Variants in CTNNA3 observed in about 807,000 individuals in gnomAD.
The protein encoded by CTNNA3 is catenin alpha-3.
CTNNA3 carries 76 observed loss-of-function variants against 95.7 expected under a neutral mutation model. The observed-to-expected ratio is 0.79, with a 90% CI of 0.66 to 0.96. CTNNA3 has a LOEUF of 0.96. Among genes scored for constraint, CTNNA3 ranks in the 40% least tolerant of loss-of-function variants. The pLI is 0.00. For missense variants in CTNNA3, 1,191 were observed against 1,089.8 expected (o/e 1.09, Z -1.31); for synonymous variants, 431 against 374.4 (o/e 1.15, Z -1.74).
rs184724843 is a variant in CTNNA3 at position 67,576,180 on chromosome 10, G to A, written c.292+30677C>T. Among the ~76,000 whole-genome samples the A allele has an allele frequency of 3.7e-3, 565 of 152,244 alleles. 1 individual carries two copies. The highest frequency in any genetic ancestry group is 0.017 in the Middle Eastern group (5 of 292). On this transcript the variant is annotated intron_variant, in intron 3 of 17. Transcript: ENST00000433211. Reference sequence around the variant, plus strand: ...TATTATACATAGACTTTAGCAGGCTGGGCTTAGTTATTTAAAAGCATGAAG... The same window carrying A: ...TATTATACATAGACTTTAGCAGGCTAGGCTTAGTTATTTAAAAGCATGAAG...
At chr10:66,638,471 G>A (rs1389878500) in intron 9 of CTNNA3, among the ~76,000 whole-genome samples, 2 of 152,070 alleles carry the variant, frequency 1.3e-5, no homozygotes, top group Non-Finnish European at 2.9e-5. Flanking sequence ...GTGGACTTCT[G>A]GGCGGGGGCA....
chr10:67,262,825 A>G (rs1332889165), intron 5 of CTNNA3, among the ~76,000 whole-genome samples: 1 of 152,232 alleles, frequency 6.6e-6, no homozygotes. Context: ...AGAATGCAAA[A>G]TAACACAAAG....
rs777951876 is a variant in CTNNA3 at position 66,766,441 on chromosome 10, T to G, written c.1129-25A>C. On this transcript the variant is annotated intron_variant, in intron 8 of 17. Coordinates refer to ENST00000433211, the MANE Select transcript of CTNNA3 (RefSeq NM_013266.4). ...GCTGAGAAGAAATGAAAAATTCAGG[T>G]TTTTTTTTTCCAGGAAATAGTTCAC... The G allele has an allele frequency of 5.9e-5, 87 of 1,470,958 alleles. 1 individual carries two copies. Among genetic ancestry groups the G allele is most frequent in the Middle Eastern group, 3.6e-4 (2 of 5,606 alleles). 91.1% of individuals were successfully genotyped at this position (1,470,958 alleles called of 1,614,324 possible).
intron 13 of CTNNA3, among the ~76,000 whole-genome samples, chr10:66,124,241 T>C (rs1474006866): frequency 6.6e-6 from 1 of 152,156 alleles, no homozygotes; most frequent in Non-Finnish European, 1.5e-5. Flanking sequence ...AAGTTCAAAG[T>C]TCCACAAATC....
rs1209853143 is a variant in CTNNA3 at position 66,729,667 on chromosome 10, A to G, written c.1281+36597T>C. 3.9e-5 allele frequency among the ~76,000 whole-genome samples: 6 copies of G among 152,222 alleles called. No individual in the cohort carries two copies. In the East Asian group the frequency reaches 1.2e-3, roughly 29 times the overall value. ...AAAGGGTGGAAGGGGGCGAGGGATAAAAGACTACAAATTGGATACAGTGTA... is the reference window on the plus strand; with the variant it reads ...AAAGGGTGGAAGGGGGCGAGGGATAGAAGACTACAAATTGGATACAGTGTA... On this transcript the variant is annotated intron_variant, in intron 9 of 17. Transcript: ENST00000433211.
chr10:66,931,494 G>A (rs770307074), intron 7 of CTNNA3, among the ~76,000 whole-genome samples: 12 of 152,052 alleles, frequency 7.9e-5, no homozygotes, highest in Non-Finnish European at 1.6e-4. Flanking sequence ...TTGATTTGGT[G>A]AGTGAACTAC....
chr10:67,073,360 C>T (rs1295353385), intron 7 of CTNNA3, among the ~76,000 whole-genome samples: 1 of 152,102 alleles, frequency 6.6e-6, no homozygotes, highest in African/African-American at 2.4e-5. Flanking sequence ...TTACCTTCAA[C>T]CATATTGCTT....
chr10:67,636,083 T>A (rs552130959), intron 2 of CTNNA3, among the ~76,000 whole-genome samples: 2 of 151,942 alleles, frequency 1.3e-5, no homozygotes, highest in Non-Finnish European at 2.9e-5. Flanking sequence ...ACAAAAATAA[T>A]AAAAGATCTA....
At chr10:66,957,429 C>CAT (rs765398428) in intron 7 of CTNNA3, among the ~76,000 whole-genome samples, 1,638 of 27,210 alleles carry the variant, frequency 0.06, 62 homozygotes, top group African/African-American at 0.24. Flanking sequence ...TATATATATG[C>CAT]ATATATATAT....
intron 3 of CTNNA3, among the ~76,000 whole-genome samples, chr10:67,588,533 G>T (rs1044672921): frequency 1.2e-4 from 18 of 151,938 alleles, no homozygotes; most frequent in African/African-American, 4.1e-4. Flanking sequence ...GAATTTATGG[G>T]GGGGGGACTG....
intron 6 of CTNNA3, among the ~76,000 whole-genome samples, chr10:67,197,104 T>A (rs940773649): frequency 1.3e-5 from 2 of 152,110 alleles, no homozygotes; most frequent in Non-Finnish European, 2.9e-5. Flanking sequence ...AATCTTAATT[T>A]CTCAGTAACA....
At chr10:67,137,169 A>T (rs1027889688) in intron 7 of CTNNA3, among the ~76,000 whole-genome samples, 3 of 152,198 alleles carry the variant, frequency 2.0e-5, no homozygotes, top group African/African-American at 4.8e-5. Context: ...CATGAATGGC[A>T]TTTGGCAGAG....
chr10:67,061,781 A>G (rs1855769187), intron 7 of CTNNA3, among the ~76,000 whole-genome samples: 3 of 152,190 alleles, frequency 2.0e-5, no homozygotes, highest in Non-Finnish European at 4.4e-5. Context: ...AATCCTTAAT[A>G]AGAAAGGACA....
chr10:66,393,583 A>C (rs1030498998), intron 11 of CTNNA3, among the ~76,000 whole-genome samples: 2 of 152,076 alleles, frequency 1.3e-5, no homozygotes, highest in African/African-American at 4.8e-5. Context: ...TTTTCTGAGA[A>C]TATAACTAAG....
intron 5 of CTNNA3, among the ~76,000 whole-genome samples, chr10:67,494,770 G>A (rs886305145): frequency 1.3e-5 from 2 of 152,186 alleles, no homozygotes; most frequent in Non-Finnish European, 2.9e-5. Flanking sequence ...CTTGAACTGA[G>A]AATTACTTCT....
chr10:66,652,352 C>A (rs541515395), intron 9 of CTNNA3, among the ~76,000 whole-genome samples: 13 of 152,046 alleles, frequency 8.6e-5, no homozygotes, highest in African/African-American at 3.1e-4. Context: ...GAGTATAAGA[C>A]ACTATTATGA....
At chr10:66,858,345 A>C (rs1843764676) in intron 7 of CTNNA3, among the ~76,000 whole-genome samples, 1 of 151,862 alleles carries the variant, frequency 6.6e-6, no homozygotes, top group Admixed American at 6.6e-5. Context: ...TTCATCAAGG[A>C]TATTGGCTTT....
chr10:66,858,759 T>C (rs535930713), intron 7 of CTNNA3, among the ~76,000 whole-genome samples: 4 of 151,936 alleles, frequency 2.6e-5, no homozygotes, highest in Non-Finnish European at 5.9e-5. Flanking sequence ...CTGCTTGTGT[T>C]TAGTTGGATA....
intron 15 of CTNNA3, among the ~76,000 whole-genome samples, chr10:66,004,458 C>T (rs960132020): frequency 2.0e-5 from 3 of 152,050 alleles, no homozygotes; most frequent in African/African-American, 7.2e-5. Context: ...ATGGTTTTCT[C>T]CCCCAGTTGG....
Sources: gnomAD v4.1 joint callset for allele counts (sites outside exome capture counted in the v4.1 genomes callset) on GRCh38, gnomAD v4.1.1 for gene constraint, MANE v1.5 for transcripts, NCBI Gene and HGNC (gene_info 2026-07-23, HGNC 2026-07-21) for gene names.